WAPL: variants seen among roughly 807,000 people sequenced by gnomAD.
The protein encoded by WAPL is wings apart-like protein homolog.
In WAPL, 5 loss-of-function variants were observed where a neutral mutation model predicts 121.0. The ratio of observed to expected loss-of-function variants is 0.04; its 90% CI spans 0.02 to 0.09. The LOEUF is 0.09. WAPL is among the 10% of genes least tolerant of loss of function. WAPL has a pLI of 1.00. For missense variants in WAPL, 999 were observed against 1,410.8 expected, an observed-to-expected ratio of 0.71 and a Z score of 4.68; for synonymous variants, 480 against 481.5, an observed-to-expected ratio of 1.00 and a Z score of 0.04.
Position 86,499,710 on chromosome 10 carries a change from A to G in WAPL, c.1525+8T>C, listed in dbSNP as rs1486764978. ...TGTACTTATTATACATATTTTTTAA[A>G]TTCTTACCTGCATTGTTAGTACCAG... On this transcript the variant is annotated splice_region_variant and intron_variant, in intron 3 of 18. Coordinates refer to ENST00000298767, the MANE Select transcript of WAPL (RefSeq NM_015045.5). 5 of 1,541,810 alleles carry G rather than the reference A, an allele frequency of 3.2e-6. No individual in the cohort carries two copies. Among genetic ancestry groups the G allele is most frequent in the Non-Finnish European group, 4.3e-6 (5 of 1,151,446 alleles).
chr10:86,507,436 C>G (rs1403368335), intron 2 of WAPL, among the ~76,000 whole-genome samples: 2 of 151,002 alleles, frequency 1.3e-5, no homozygotes, highest in Admixed American at 6.6e-5. Flanking sequence ...CTCTAATCTT[C>G]CTAATACTTG....
chr10:86,488,292 G>A (rs1841969531), intron 4 of WAPL, among the ~76,000 whole-genome samples: 1 of 152,150 alleles, frequency 6.6e-6, no homozygotes, highest in African/African-American at 2.4e-5. Flanking sequence ...TAGAAGCAAT[G>A]ACACTTCAGA....
intron 2 of WAPL, among the ~76,000 whole-genome samples, chr10:86,515,937 C>T (rs141623340): frequency 0.073 from 9,738 of 133,428 alleles, 598 homozygotes; most frequent in East Asian, 0.39. Flanking sequence ...GCGATCTCGG[C>T]TCACTGCAAC....
intron 12 of WAPL, among the ~76,000 whole-genome samples, chr10:86,458,061 T>C (rs923171945): frequency 6.6e-6 from 1 of 152,222 alleles, no homozygotes; most frequent in African/African-American, 2.4e-5. Flanking sequence ...AAAAAACAGA[T>C]AAACTAGAGT....
chr10:86,521,749 C>A lies in WAPL; in HGVS notation c.-407G>T, dbSNP rs1195943625. 1 of 447,186 alleles carries A rather than the reference C, an allele frequency of 2.2e-6. No homozygotes were observed. 27.7% of individuals were successfully genotyped at this position (447,186 alleles called of 1,614,324 possible). On this transcript the variant is annotated 5_prime_UTR_variant, in exon 1 of 19. Transcript: ENST00000298767. ...GAACCATCTCAACGCCATTTGCGCT[C>A]CCGGCCCCCACCTCCTTCCTCCAAC...
chr10:86,441,438 C>CA (rs1048671384), intron 17 of WAPL, among the ~76,000 whole-genome samples: 3 of 152,044 alleles, frequency 2.0e-5, no homozygotes, highest in African/African-American at 7.2e-5. Context: ...CTGGTTCAGA[C>CA]AAAAGCATTG....
intron 17 of WAPL, 45 bp from the exon 18 acceptor site, chr10:86,438,060 TGA>T: frequency 7.0e-7 from 1 of 1,428,852 alleles, no homozygotes; most frequent in Non-Finnish European, 9.8e-7. Flanking sequence ...GCAGAAAACA[TGA>T]GATTGCACCT....
In WAPL at chr10:86,461,272, T is replaced by G. The variant is rs747531479; in HGVS notation, c.2386A>C (p.Met796Leu). The G allele has an allele frequency of 2.5e-6, 4 of 1,611,578 alleles. No individual in the cohort carries two copies. In the African/African-American group the frequency reaches 5.3e-5, roughly 22 times the overall value. The change falls in exon 10 of 19, where the codon ATG becomes CTG. Residue 796 changes from methionine to leucine, a missense_variant. By Grantham distance (15) the Met-to-Leu change is conservative. Transcript: ENST00000298767. ...LENITTGHLA[M>L]ETLLSLTSKR... The stretch of plus-strand genomic sequence containing the variant: ...GAAGTAAGGGATAATAATGTCTCCA[T>G]AGCTAAATGCCCAGTCTAAAAACCA...
chr10:86,485,415 T>C (rs934573095), intron 4 of WAPL, among the ~76,000 whole-genome samples: 2 of 151,988 alleles, frequency 1.3e-5, no homozygotes, highest in African/African-American at 4.8e-5. Flanking sequence ...CACCCACCTG[T>C]AGTCCCAGCT....
rs1167606264 is a variant in WAPL, at chr10:86,521,613, C to A, written c.-271G>T. On this transcript the variant is annotated 5_prime_UTR_variant, in exon 1 of 19. Transcript: ENST00000298767. ...CAGGCCTAGCTCTCGCTGGCCGCCA[C>A]TGCTGGAGCTGGTAACAGAGCCTGC... 1 of 456,898 alleles carries A rather than the reference C, an allele frequency of 2.2e-6. No homozygotes were observed. The highest frequency in any genetic ancestry group is 2.1e-5 in the African/African-American group (1 of 47,592). The allele number at this position is 456,898 out of a possible 1,614,324, so 28.3% of individuals were successfully genotyped here.
chr10:86,497,450 A>G, intron 3 of WAPL, 131 bp from the exon 4 acceptor site: 1 of 699,332 alleles, frequency 1.4e-6, no homozygotes, highest in Non-Finnish European at 2.4e-6. Context: ...AGCACCACAG[A>G]GCTGACAAAA....
At chr10:86,493,799 C>T (rs1328155286) in intron 4 of WAPL, among the ~76,000 whole-genome samples, 1 of 151,910 alleles carries the variant, frequency 6.6e-6, no homozygotes. Flanking sequence ...GCCAGGAGTT[C>T]GACACCAGCC....
intron 2 of WAPL, among the ~76,000 whole-genome samples, chr10:86,506,537 G>A (rs1842352236): frequency 6.6e-6 from 1 of 152,222 alleles, no homozygotes; most frequent in African/African-American, 2.4e-5. Flanking sequence ...CACTTGGGGT[G>A]GGAGGGGCGG....
At chr10:86,475,428 A>C (rs913268861) in intron 4 of WAPL, among the ~76,000 whole-genome samples, 2 of 152,220 alleles carry the variant, frequency 1.3e-5, no homozygotes, top group Non-Finnish European at 2.9e-5. Context: ...TACATTAAAA[A>C]ACTTAACTAT....
chr10:86,505,415 T>A (rs1475000651), intron 2 of WAPL, among the ~76,000 whole-genome samples: 1 of 147,214 alleles, frequency 6.8e-6, no homozygotes, highest in East Asian at 2.0e-4. Context: ...ACCTCCTGAG[T>A]AGCTGGGACT....
At position 86,461,226 on chromosome 10, in the gene WAPL, A is replaced by ACGG. The variant is rs1181571210; in HGVS notation, c.2431_2432insCCG (p.Phe811delinsSerVal). The ACGG allele has an allele frequency of 6.2e-7, 1 of 1,613,720 alleles. No homozygotes were observed. The highest frequency in any genetic ancestry group is 8.5e-7 in the Non-Finnish European group (1 of 1,179,918). ...ACCCAAAAGCCGGAGTTCTTCTTTA[A>ACGG]ACCAGTCTCCTGCTCGTTTAGAAGT... On this transcript the variant is annotated protein_altering_variant, in exon 10 of 19. Transcript: ENST00000298767.
chr10:86,471,227 A>G, intron 7 of WAPL, 124 bp from the exon 8 acceptor site: 2 of 616,138 alleles, frequency 3.2e-6, no homozygotes, highest in South Asian at 4.5e-5. Flanking sequence ...CCCATACATG[A>G]TCACAATATA....
intron 4 of WAPL, among the ~76,000 whole-genome samples, chr10:86,479,829 A>G (rs12265661): frequency 0.095 from 14,529 of 152,216 alleles, 877 homozygotes; most frequent in African/African-American, 0.16. Flanking sequence ...GAAAAAAACA[A>G]TTTGGATCTG....
At chr10:86,521,187 C>T (rs1288381898) in intron 1 of WAPL, among the ~76,000 whole-genome samples, 178 bp downstream of exon 1, 2 of 152,208 alleles carry the variant, frequency 1.3e-5, no homozygotes, top group African/African-American at 4.8e-5. Flanking sequence ...CGAAAAAGAA[C>T]TCCGAAAAAG....
Sources: allele counts gnomAD v4.1 joint callset (sites outside exome capture counted in the v4.1 genomes callset), GRCh38; gene constraint gnomAD v4.1.1; transcripts MANE v1.5; gene names NCBI Gene and HGNC (gene_info 2026-07-23, HGNC 2026-07-21).